HIP1R: variants seen among roughly 807,000 people sequenced by gnomAD.
The protein encoded by HIP1R is huntingtin interacting protein 1 related.
A neutral mutation model predicts 144.2 loss-of-function variants in HIP1R; 135 were observed. That is an observed-to-expected ratio of 0.94 (90% CI 0.81 to 1.08). The LOEUF (loss-of-function observed/expected upper bound fraction) is 1.08. Ranked by LOEUF, HIP1R falls within the 50% of genes least tolerant of loss-of-function variation. The pLI is 0.00. For missense variants in HIP1R, 1,462 were observed against 1,432.8 expected, an observed-to-expected ratio of 1.02 and a Z score of -0.33; for synonymous variants, 698 against 612.8, an observed-to-expected ratio of 1.14 and a Z score of -2.05.
Position 122,835,647 on chromosome 12 carries a change from AGCGGGCGGCGGGCG to A in HIP1R, c.93+23_93+36del, listed in dbSNP as rs545043313. On this transcript the variant is annotated splice_donor_5th_base_variant and intron_variant, in intron 1 of 31. Coordinates refer to ENST00000253083, the MANE Select transcript of HIP1R (RefSeq NM_003959.3). ...CGAGCAGTTCGACAAGACCCAGGCG[AGCGGGCGGCGGGCG>A]GCGGGCGGCGGGCGGCGGCGGGCGG... 79,598 of 1,075,374 alleles carry A rather than the reference AGCGGGCGGCGGGCG, an allele frequency of 0.074. 6,023 individuals carry two copies. The highest frequency in any genetic ancestry group is 0.32 in the African/African-American group (16,848 of 52,792). 66.6% of individuals were successfully genotyped at this position (1,075,374 alleles called of 1,614,324 possible).
At chr12:122,859,305 A>G in intron 22 of HIP1R, 108 bp downstream of exon 22, 1 of 1,477,272 alleles carries the variant, frequency 6.8e-7, no homozygotes, top group Admixed American at 1.9e-5. Flanking sequence ...CTGCAGCCTC[A>G]GGACACAGGG....
At chr12:122,835,761 C>A in intron 1 of HIP1R, 118 bp downstream of exon 1, 1 of 364,734 alleles carries the variant, frequency 2.7e-6, no homozygotes, top group Non-Finnish European at 3.7e-6. Context: ...GGGCGGGGGA[C>A]GGCGCGGGGG....
chr12:122,849,489 A>T (rs2033309999), intron 4 of HIP1R, among the ~76,000 whole-genome samples: 2 of 152,378 alleles, frequency 1.3e-5, no homozygotes, highest in South Asian at 4.1e-4. Context: ...AACACTGCCC[A>T]TGGTGCCACC....
chr12:122,855,957 C>T (rs1214143115), intron 13 of HIP1R, 23 bp from the exon 14 acceptor site: 28 of 1,573,432 alleles, frequency 1.8e-5, no homozygotes, highest in Middle Eastern at 1.7e-4. Context: ...AGGCAGGGCC[C>T]CACGTCACAC....
At position 122,851,446 on chromosome 12, in the gene HIP1R, C is replaced by T. The variant is rs890224572; in HGVS notation, c.577+149C>T. On this transcript the variant is annotated intron_variant, in intron 7 of 31. Coordinates refer to ENST00000253083, the MANE Select transcript of HIP1R (RefSeq NM_003959.3). The stretch of plus-strand genomic sequence containing the variant: ...GCCGCAGTGGCTCACATCTGTAATC[C>T]CAGCATTTTGGGAGGCCGAGGCAGG... The T allele has an allele frequency of 6.4e-5, 38 of 593,522 alleles. No homozygotes were observed. The African/African-American group carries it at 6.9e-4, about 11-fold the overall frequency. 36.8% of individuals were successfully genotyped at this position (593,522 alleles called of 1,614,324 possible).
At position 122,844,597 on chromosome 12, in the gene HIP1R, A is replaced by C. The variant is rs536933213; in HGVS notation, c.94-3434A>C. 8.5e-5 allele frequency among the ~76,000 whole-genome samples: 13 copies of C among 152,330 alleles called. No individual in the cohort carries two copies. The East Asian group carries it at 2.5e-3, about 29-fold the overall frequency. On this transcript the variant is annotated intron_variant, in intron 1 of 31. Coordinates refer to ENST00000253083, the MANE Select transcript of HIP1R (RefSeq NM_003959.3). ...GAGCCCTGGTCCCACAGCCACTCAC[A>C]GCTGTGTGGAAACTGCCCTGCCAGG...
At chr12:122,835,767 G>A in intron 1 of HIP1R, 124 bp downstream of exon 1, 3 of 508,040 alleles carry the variant, frequency 5.9e-6, no homozygotes, top group African/African-American at 2.1e-5. Flanking sequence ...GGGACGGCGC[G>A]GGGGCAGGGC....
In HIP1R at chr12:122,855,395, GGGAGCCAGT is replaced by G; in HGVS notation, c.986_993+1del. On this transcript the variant is annotated inframe_deletion and splice_region_variant, in exon 11 of 32. Coordinates refer to ENST00000253083, the MANE Select transcript of HIP1R (RefSeq NM_003959.3). Reference sequence around the variant, plus strand: ...GAGATCAGCACAGGGCCCCCCGCGGGGGAGCCAGTGGTGAGCCCCCTGCCCAGCCCGTGT... The same window carrying G: ...GAGATCAGCACAGGGCCCCCCGCGGGGGTGAGCCCCCTGCCCAGCCCGTGT... 1.3e-6 allele frequency: 2 copies of G among 1,567,804 alleles called. No homozygotes were observed. Among genetic ancestry groups the G allele is most frequent in the Non-Finnish European group, 1.7e-6 (2 of 1,157,838 alleles).
rs773478161 is a variant in HIP1R, at chr12:122,856,412, C to A, written c.1402-20C>A. ...CTCGGGGATGGCAGCAGAGCATGAGCCCTTCCCCTGCCCATGCAGAACGCG... is the reference window on the plus strand; with the variant it reads ...CTCGGGGATGGCAGCAGAGCATGAGACCTTCCCCTGCCCATGCAGAACGCG... On this transcript the variant is annotated intron_variant, in intron 15 of 31. Coordinates refer to ENST00000253083, the MANE Select transcript of HIP1R (RefSeq NM_003959.3). 4.6e-5 allele frequency: 74 copies of A among 1,603,378 alleles called. No individual in the cohort carries two copies. In the Middle Eastern group the frequency reaches 8.3e-4, roughly 18 times the overall value.
At position 122,856,095 on chromosome 12, in the gene HIP1R, A is replaced by G; in HGVS notation, c.1244A>G (p.Glu415Gly). Residue 415 changes from glutamate (E) to glycine (G), a missense_variant, in exon 14 of 32, where the codon GAG (glutamate) becomes GGG (glycine). Transcript: ENST00000253083. ...GTGGATAATGAGCAGCTCCGCCACG[A>G]GCTGGCCCAGCTGAGGGCTGCCCAG... ...ALVDNEQLRH[E>G]LAQLRAAQLE... The G allele has an allele frequency of 6.3e-7, 1 of 1,585,828 alleles. No individual in the cohort carries two copies. The highest frequency in any genetic ancestry group is 8.6e-7 in the Non-Finnish European group (1 of 1,166,434).
intron 7 of HIP1R, among the ~76,000 whole-genome samples, chr12:122,853,195 T>C (rs187516255): frequency 6.6e-6 from 1 of 152,018 alleles, no homozygotes; most frequent in Admixed American, 6.5e-5. Flanking sequence ...TCCCACTTGG[T>C]AGTTCTGATA....
At position 122,836,309 on chromosome 12, in the gene HIP1R, C is replaced by T. The variant is rs1234555720; in HGVS notation, c.93+666C>T. ...CGCTGCCCACGTATAAATAGGTGCA[C>T]ACCCCCTCATTAAATACCGGCGCCC... On this transcript the variant is annotated intron_variant, in intron 1 of 31. Coordinates refer to ENST00000253083, the MANE Select transcript of HIP1R (RefSeq NM_003959.3). The surrounding 1 kb of genome is among the most constrained non-coding windows in gnomAD (Gnocchi z 4.1). Among the ~76,000 whole-genome samples, 1 of 152,150 alleles carries T rather than the reference C, an allele frequency of 6.6e-6. No homozygotes were observed. Among genetic ancestry groups the T allele is most frequent in the Non-Finnish European group, 1.5e-5 (1 of 68,026 alleles).
At chr12:122,859,916 G>C in intron 24 of HIP1R, 86 bp downstream of exon 24, 2 of 1,482,110 alleles carry the variant, frequency 1.3e-6, no homozygotes, top group Non-Finnish European at 1.8e-6. Flanking sequence ...TTCTGCTCAC[G>C]GGAAAGGAAG....
rs758692952 is a variant in HIP1R, at chr12:122,860,679, G to A, written c.2661G>A (p.Val887=). The A allele has an allele frequency of 5.6e-6, 9 of 1,613,182 alleles. No homozygotes were observed. The highest frequency in any genetic ancestry group is 1.1e-5 in the South Asian group (1 of 91,072). Residue 887 remains valine, a splice_region_variant and synonymous_variant, in exon 28 of 32, where the codon GTG becomes GTA. Transcript: ENST00000253083. ...GCCCTGACTGGCCCTTGACCCGCAGGGAGGCAGCTGACAAGGTGGTGCTTC... is the reference window on the plus strand; with the variant it reads ...GCCCTGACTGGCCCTTGACCCGCAGAGAGGCAGCTGACAAGGTGGTGCTTC... ...KAVGWGATQL[V]EAADKVVLHT...
chr12:122,853,710 C>T (rs1259960800), intron 7 of HIP1R: 4 of 242,742 alleles, frequency 1.6e-5, no homozygotes, highest in South Asian at 2.2e-4. Context: ...TAACATTCAG[C>T]GTGGGTTTGA....
At chr12:122,841,021 G>A (rs735378) in intron 1 of HIP1R, among the ~76,000 whole-genome samples, 16,493 of 152,186 alleles carry the variant, frequency 0.11, 1,536 homozygotes, top group African/African-American at 0.25. Flanking sequence ...GCAGCTTAAA[G>A]TGGAAAGCCT....
chr12:122,844,357 G>A (rs2033148993), intron 1 of HIP1R, among the ~76,000 whole-genome samples: 1 of 151,816 alleles, frequency 6.6e-6, no homozygotes, highest in Admixed American at 6.6e-5. Flanking sequence ...GAACTCCTGG[G>A]CTCAAGTGAT....
rs1337537104 is a variant in HIP1R at position 122,855,592 on chromosome 12, T to C, written c.1035T>C (p.Asn345=). The change falls in exon 12 of 32, where the codon AAT becomes AAC. Residue 345 remains asparagine (N), a synonymous_variant. Coordinates refer to ENST00000253083, the MANE Select transcript of HIP1R (RefSeq NM_003959.3). Reference sequence around the variant, plus strand: ...TCGATCAGACGTTTGGACCCCCCAATGGGTCTGTGAAGGACGACAGGTGAG... The same window carrying C: ...TCGATCAGACGTTTGGACCCCCCAACGGGTCTGTGAAGGACGACAGGTGAG... ...DLFDQTFGPP[N]GSVKDDRDLQ... is the part of the protein sequence containing the mutation. 6.5e-7 allele frequency: 1 copy of C among 1,549,702 alleles called. No individual in the cohort carries two copies. Among genetic ancestry groups the C allele is most frequent in the Non-Finnish European group, 8.7e-7 (1 of 1,147,004 alleles).
chr12:122,848,396 C>T, intron 2 of HIP1R, 70 bp from the exon 3 acceptor site: 1 of 1,543,774 alleles, frequency 6.5e-7, no homozygotes, highest in South Asian at 1.3e-5. Flanking sequence ...CGGCCCTGGC[C>T]TCTCTCAGCC....
Sources: gnomAD v4.1 joint callset for allele counts (sites outside exome capture counted in the v4.1 genomes callset) on GRCh38, gnomAD v4.1.1 for gene constraint, Gnocchi (gnomAD v3.1) non-coding constraint, MANE v1.5 for transcripts, NCBI Gene and HGNC (gene_info 2026-07-23, HGNC 2026-07-21) for gene names.